The following PDZRN4 variants were observed in gnomAD, a reference collection of about 807,000 sequenced individuals.
PDZRN4 encodes the protein PDZ domain-containing RING finger protein 4.
In PDZRN4, 70 loss-of-function variants were observed where a neutral mutation model predicts 99.0. The ratio of observed to expected loss-of-function variants is 0.71; its 90% CI spans 0.58 to 0.86. The LOEUF is 0.86. Ranked by LOEUF, PDZRN4 falls within the 40% of genes least tolerant of loss-of-function variation. PDZRN4 has a pLI of 0.00. For synonymous variants in PDZRN4, 551 were observed against 501.6 expected (o/e 1.10, Z -1.32); for missense variants, 1,474 against 1,331.2 (o/e 1.11, Z -1.67).
chr12:41,458,826 A>G (rs948699207), intron 3 of PDZRN4, among the ~76,000 whole-genome samples: 10 of 152,172 alleles, frequency 6.6e-5, no homozygotes, highest in African/African-American at 2.2e-4. Flanking sequence ...ATGGCAGTGA[A>G]GGGAAGCCAG....
intron 3 of PDZRN4, among the ~76,000 whole-genome samples, chr12:41,384,566 G>A (rs1952152449): frequency 1.3e-5 from 2 of 152,192 alleles, no homozygotes; most frequent in South Asian, 2.1e-4. Context: ...GATGTCCTCC[G>A]CTCTTGGAAT....
chr12:41,281,038 T>C (rs1214426921), intron 3 of PDZRN4, among the ~76,000 whole-genome samples: 1 of 152,148 alleles, frequency 6.6e-6, no homozygotes. Flanking sequence ...ATCTCTGCTG[T>C]TCTGCATCCT....
chr12:41,558,214 C>T (rs763421825), intron 7 of PDZRN4, among the ~76,000 whole-genome samples: 15 of 152,204 alleles, frequency 9.9e-5, no homozygotes, highest in Non-Finnish European at 5.9e-5. Flanking sequence ...AGTCACGTTA[C>T]ATCCAGCATT....
At position 41,348,443 on chromosome 12, in the gene PDZRN4, G is replaced by A. The variant is rs192458485; in HGVS notation, c.843+154255G>A. On this transcript the variant is annotated intron_variant, in intron 3 of 9. Transcript: ENST00000402685. Reference sequence around the variant, plus strand: ...ACTGCTATGCCTTAGGTTGAATTAAGGCAGTGGCACCAAACTGTGCTAGTA... The same window carrying A: ...ACTGCTATGCCTTAGGTTGAATTAAAGCAGTGGCACCAAACTGTGCTAGTA... Among the ~76,000 whole-genome samples the A allele has an allele frequency of 2.0e-3, 302 of 152,164 alleles. 1 individual carries two copies. Among genetic ancestry groups the A allele is most frequent in the Admixed American group, 4.1e-3 (62 of 15,262 alleles).
At chr12:41,548,681 CCA>C (rs1372613811) in intron 5 of PDZRN4, among the ~76,000 whole-genome samples, 7 of 152,218 alleles carry the variant, frequency 4.6e-5, no homozygotes, top group African/African-American at 7.2e-5. Context: ...GCTTAAAAAG[CCA>C]ATGCTTTTTA....
chr12:41,284,028 A>G (rs1951406099), intron 3 of PDZRN4, among the ~76,000 whole-genome samples: 1 of 152,174 alleles, frequency 6.6e-6, no homozygotes, highest in Non-Finnish European at 1.5e-5. Context: ...GGCAAGAGAA[A>G]GAAATAAAGG....
chr12:41,316,872 G>A (rs917803201), intron 3 of PDZRN4, among the ~76,000 whole-genome samples: 36 of 151,326 alleles, frequency 2.4e-4, no homozygotes, highest in Admixed American at 5.9e-4. Context: ...TCCCCTCAAG[G>A]TTTCTGTGAG....
At chr12:41,564,826 C>T (rs1034408252) in intron 8 of PDZRN4, among the ~76,000 whole-genome samples, 2 of 152,054 alleles carry the variant, frequency 1.3e-5, no homozygotes, top group African/African-American at 4.8e-5. Context: ...CCAGTTATCT[C>T]GCTGCTCCCA....
chr12:41,206,228 A>G (rs1458785568), intron 3 of PDZRN4, among the ~76,000 whole-genome samples: 2 of 152,040 alleles, frequency 1.3e-5, no homozygotes, highest in Non-Finnish European at 2.9e-5. Flanking sequence ...GTCAGAGGAC[A>G]TATAAATGTT....
At chr12:41,390,924 A>G (rs894410432) in intron 3 of PDZRN4, among the ~76,000 whole-genome samples, 1 of 152,176 alleles carries the variant, frequency 6.6e-6, no homozygotes, top group Non-Finnish European at 1.5e-5. Context: ...AGAAAATATG[A>G]TTCTATCATG....
chr12:41,265,865 A>G (rs1247928833), intron 3 of PDZRN4, among the ~76,000 whole-genome samples: 1 of 152,136 alleles, frequency 6.6e-6, no homozygotes, highest in Non-Finnish European at 1.5e-5. Flanking sequence ...ACATTGAAAA[A>G]AGAAATTAAA....
chr12:41,310,653 G>A (rs1951600421), intron 3 of PDZRN4, among the ~76,000 whole-genome samples: 1 of 152,004 alleles, frequency 6.6e-6, no homozygotes, highest in Non-Finnish European at 1.5e-5. Context: ...GAGGATGAAG[G>A]ACAAAAATAT....
At chr12:41,514,759 A>G (rs963042210) in intron 5 of PDZRN4, among the ~76,000 whole-genome samples, 9 of 152,112 alleles carry the variant, frequency 5.9e-5, no homozygotes, top group African/African-American at 1.9e-4. Flanking sequence ...ACCACTGTCC[A>G]GTTATAACAA....
intron 3 of PDZRN4, among the ~76,000 whole-genome samples, chr12:41,367,404 G>A (rs1952008861): frequency 6.6e-6 from 1 of 152,012 alleles, no homozygotes; most frequent in Non-Finnish European, 1.5e-5. Flanking sequence ...AACTACTCAG[G>A]AGGCTGAGGC....
At chr12:41,233,552 C>T (rs1024163109) in intron 3 of PDZRN4, among the ~76,000 whole-genome samples, 10 of 152,096 alleles carry the variant, frequency 6.6e-5, no homozygotes, top group Middle Eastern at 3.4e-3. Context: ...TGTCCAACAA[C>T]GATAGACTGG....
chr12:41,297,166 CT>C (rs1951501233), intron 3 of PDZRN4, among the ~76,000 whole-genome samples: 1 of 152,042 alleles, frequency 6.6e-6, no homozygotes, highest in African/African-American at 2.4e-5. Context: ...TAATTTTCAT[CT>C]TTTAATTCCA....
At chr12:41,375,724 C>T (rs1952074063) in intron 3 of PDZRN4, among the ~76,000 whole-genome samples, 2 of 152,188 alleles carry the variant, frequency 1.3e-5, no homozygotes, top group African/African-American at 4.8e-5. Flanking sequence ...TCTCACCTAA[C>T]CTAGTTACCA....
At chr12:41,204,316 C>T (rs992113790) in intron 3 of PDZRN4, among the ~76,000 whole-genome samples, 10 of 151,980 alleles carry the variant, frequency 6.6e-5, no homozygotes, top group African/African-American at 1.2e-4. Flanking sequence ...GAGAGAAAGA[C>T]GGAGAGAGAC....
intron 3 of PDZRN4, among the ~76,000 whole-genome samples, chr12:41,271,693 C>A (rs886597336): frequency 6.6e-6 from 1 of 152,118 alleles, no homozygotes; most frequent in Non-Finnish European, 1.5e-5. Context: ...ACTCCACATG[C>A]ATTTGCCGTT....
Sources: allele counts gnomAD v4.1 joint callset (sites outside exome capture counted in the v4.1 genomes callset), GRCh38; gene constraint gnomAD v4.1.1; transcripts MANE v1.5; gene names NCBI Gene and HGNC (gene_info 2026-07-23, HGNC 2026-07-21).